ACSBG2: variants seen among roughly 807,000 people sequenced by gnomAD.
ACSBG2 encodes the protein acyl-CoA synthetase bubblegum family member 2.
ACSBG2 carries 62 observed loss-of-function variants against 74.7 expected under a neutral mutation model. That is an observed-to-expected ratio of 0.83 (90% CI 0.68 to 1.03). The LOEUF is 1.03. Ranked by LOEUF, ACSBG2 falls within the 50% of genes least tolerant of loss-of-function variation. The pLI is 0.00. For synonymous variants in ACSBG2, 309 were observed against 294.1 expected (o/e 1.05, Z -0.52); for missense variants, 730 against 817.6 (o/e 0.89, Z 1.31).
intron 8 of ACSBG2, among the ~76,000 whole-genome samples, chr19:6,178,275 C>A (rs941244680): frequency 5.9e-5 from 9 of 152,046 alleles, no homozygotes. Flanking sequence ...AGTTGCCTTT[C>A]TTTTCCAGTT....
At chr19:6,154,946 T>C (rs1729967640) in intron 4 of ACSBG2, among the ~76,000 whole-genome samples, 1 of 152,190 alleles carries the variant, frequency 6.6e-6, no homozygotes, top group Non-Finnish European at 1.5e-5. Context: ...TTGTATTCTG[T>C]ATGAATGAGC....
In ACSBG2 at chr19:6,187,638, C is replaced by T. The variant is rs1392096296; in HGVS notation, c.1720C>T (p.Leu574=). 6.2e-7 allele frequency: 1 copy of T among 1,614,098 alleles called. No individual in the cohort carries two copies. The highest frequency in any genetic ancestry group is 1.3e-5 in the African/African-American group (1 of 75,002). Residue 574 remains leucine (L), a synonymous_variant, in exon 13 of 15, where the codon CTG becomes TTG. Coordinates refer to ENST00000588485, the MANE Select transcript of ACSBG2 (RefSeq NM_030924.5). ...GATGAGCGGAGAACCTCTGGACAAG[C>T]TGAACTTCGAGGCCATCAACTTCTG... is the stretch of plus-strand genomic sequence containing the variant. The part of the protein sequence containing the change: ...NQMSGEPLDK[L]NFEAINFCRG...
In ACSBG2 at chr19:6,174,233, G is replaced by A. The variant is rs956455304; in HGVS notation, c.739-2996G>A. Among the ~76,000 whole-genome samples, 2 of 152,136 alleles carry A rather than the reference G, an allele frequency of 1.3e-5. No homozygotes were observed. Among genetic ancestry groups the A allele is most frequent in the African/African-American group, 4.8e-5 (2 of 41,430 alleles). On this transcript the variant is annotated intron_variant, in intron 7 of 14. Transcript: ENST00000588485. This position sits in a 1 kb window ranked among gnomAD's most constrained non-coding sequence, Gnocchi z 4.2. ...ACTACAAACATGAGCCACCACGCTT[G>A]GCCATCACTCTTGAACTTCTTAACC...
chr19:6,192,138 A>T (rs986226983), intron 14 of ACSBG2: 10 of 151,226 alleles, frequency 6.6e-5, no homozygotes, highest in Admixed American at 4.6e-4. Context: ...AATTTTGATT[A>T]CATGTTGAGA....
At chr19:6,171,622 C>T (rs938100365) in intron 7 of ACSBG2, among the ~76,000 whole-genome samples, 4 of 152,006 alleles carry the variant, frequency 2.6e-5, no homozygotes, top group African/African-American at 9.7e-5. Context: ...TAATTTGGCC[C>T]TTTTCTCTAG....
chr19:6,190,609 T>C lies in ACSBG2; in HGVS notation c.1953T>C (p.His651=). Reference sequence around the variant, plus strand: ...GTCCAATGATGAAACTTAAGAGACATTTTGTAGCCCAGAAATACAAAAAAC... The same window carrying C: ...GTCCAATGATGAAACTTAAGAGACACTTTGTAGCCCAGAAATACAAAAAAC... ...ELGPMMKLKR[H]FVAQKYKKQI... Residue 651 remains histidine (H), a synonymous_variant, in exon 14 of 15, where the codon CAT becomes CAC. Transcript: ENST00000588485. The C allele has an allele frequency of 6.2e-7, 1 of 1,614,056 alleles. No homozygotes were observed. The highest frequency in any genetic ancestry group is 1.1e-5 in the South Asian group (1 of 91,074).
chr19:6,136,682 T>C (rs533118624), intron 1 of ACSBG2, among the ~76,000 whole-genome samples: 109 of 152,192 alleles, frequency 7.2e-4, no homozygotes, highest in Non-Finnish European at 1.1e-3. Flanking sequence ...CCTTTTAAAA[T>C]TGTGAAACAT....
rs74892924 is a variant in ACSBG2 at position 6,161,494 on chromosome 19, G to A, written c.588+199G>A. The A allele has an allele frequency of 1.1e-4, 57 of 527,184 alleles. 1 individual carries two copies. In the East Asian group the frequency reaches 1.7e-3, roughly 16 times the overall value. The allele number at this position is 527,184 out of a possible 1,614,324, so 32.7% of individuals were successfully genotyped here. On this transcript the variant is annotated intron_variant, in intron 6 of 14. Coordinates refer to ENST00000588485, the MANE Select transcript of ACSBG2 (RefSeq NM_030924.5). ...TGGGTGGGGCCTTGTGAGGAAAGTG[G>A]GTGTGACCTTTCAAAGGACGTGAAA...
intron 6 of ACSBG2, among the ~76,000 whole-genome samples, chr19:6,163,146 A>AATAATC (rs2089681537): frequency 6.9e-6 from 1 of 145,594 alleles, no homozygotes; most frequent in Non-Finnish European, 1.5e-5. Context: ...TAATAATAAT[A>AATAATC]ATAATAATAA....
At chr19:6,144,949 G>A (rs2145015567) in intron 2 of ACSBG2, among the ~76,000 whole-genome samples, 1 of 152,116 alleles carries the variant, frequency 6.6e-6, no homozygotes, top group South Asian at 2.1e-4. Context: ...GCCGGCGTCG[G>A]CCTCCCAAAA....
rs1418166398 is a variant in ACSBG2 at position 6,185,559 on chromosome 19, T to G, written c.1446T>G (p.Thr482=). 1 of 1,614,034 alleles carries G rather than the reference T, an allele frequency of 6.2e-7. No individual in the cohort carries two copies. The highest frequency in any genetic ancestry group is 8.5e-7 in the Non-Finnish European group (1 of 1,180,028). ...GCTATCTGGAAAGTGAGACTGAAAC[T>G]ACAGAGGCCATCGATGATGAAGGCT... The part of the protein sequence containing the change: ...FMGYLESETE[T]TEAIDDEGWL... The change falls in exon 11 of 15, where the codon ACT becomes ACG. Residue 482 remains threonine (T), a synonymous_variant. Coordinates refer to ENST00000588485, the MANE Select transcript of ACSBG2 (RefSeq NM_030924.5).
chr19:6,159,781 G>A (rs1219795201), intron 5 of ACSBG2, among the ~76,000 whole-genome samples: 2 of 152,038 alleles, frequency 1.3e-5, no homozygotes, highest in Non-Finnish European at 2.9e-5. Flanking sequence ...GCTGATCTGG[G>A]CCTCACCATT....
intron 8 of ACSBG2, among the ~76,000 whole-genome samples, chr19:6,181,682 GC>G (rs2090258086): frequency 1.3e-5 from 2 of 152,074 alleles, no homozygotes; most frequent in South Asian, 4.1e-4. Flanking sequence ...TTTAGTTTGA[GC>G]TCTTACATTT....
chr19:6,185,382 G>A, intron 10 of ACSBG2, 54 bp from the exon 11 acceptor site: 1 of 1,583,180 alleles, frequency 6.3e-7, no homozygotes, highest in Non-Finnish European at 8.7e-7. Flanking sequence ...AGGCAGAGCT[G>A]GGTGGCTGAC....
At position 6,180,101 on chromosome 19, in the gene ACSBG2, C is replaced by CA. The variant is rs2090203689; in HGVS notation, c.907-2650_907-2649insA. Among the ~76,000 whole-genome samples the CA allele has an allele frequency of 7.3e-6, 1 of 137,888 alleles. No individual in the cohort carries two copies. Among genetic ancestry groups the CA allele is most frequent in the African/African-American group, 3.1e-5 (1 of 32,198 alleles). The allele number at this position is 137,888 out of a possible 152,430, so 90.5% of individuals were successfully genotyped here. On this transcript the variant is annotated intron_variant, in intron 8 of 14. Coordinates refer to ENST00000588485, the MANE Select transcript of ACSBG2 (RefSeq NM_030924.5). This position sits in a 1 kb window ranked among gnomAD's most constrained non-coding sequence, Gnocchi z 4.3. Reference sequence around the variant, plus strand: ...TTCACAGCCAGCAGTGCAGCCTCTTCCCCTCTCCTGCTTCCCTCTTATAAG... The same window carrying CA: ...TTCACAGCCAGCAGTGCAGCCTCTTCACCCTCTCCTGCTTCCCTCTTATAAG...
At chr19:6,183,323 A>C in intron 10 of ACSBG2, 51 bp downstream of exon 10, 1 of 1,541,096 alleles carries the variant, frequency 6.5e-7, no homozygotes, top group Non-Finnish European at 8.9e-7. Flanking sequence ...TGGGGTCAAG[A>C]GGGGGAAGGT....
At chr19:6,141,140 C>T (rs2088814140) in intron 1 of ACSBG2, among the ~76,000 whole-genome samples, 3 of 152,096 alleles carry the variant, frequency 2.0e-5, no homozygotes, top group South Asian at 2.1e-4. Flanking sequence ...TCCTGTTTCT[C>T]CTTTAGGCCC....
chr19:6,160,282 C>G (rs181908101), intron 5 of ACSBG2, among the ~76,000 whole-genome samples: 4 of 148,508 alleles, frequency 2.7e-5, no homozygotes, highest in Non-Finnish European at 5.9e-5. Flanking sequence ...CCCAGCTACT[C>G]GGGAGGCTGA....
chr19:6,175,881 G>T, intron 7 of ACSBG2: 1 of 153,216 alleles, frequency 6.5e-6, no homozygotes, highest in Non-Finnish European at 1.5e-5. Context: ...TTCTATATTG[G>T]ACCTGAGAAG....
Sources: gnomAD v4.1 joint callset for allele counts (sites outside exome capture counted in the v4.1 genomes callset) on GRCh38, gnomAD v4.1.1 for gene constraint, Gnocchi (gnomAD v3.1) non-coding constraint, MANE v1.5 for transcripts, NCBI Gene and HGNC (gene_info 2026-07-23, HGNC 2026-07-21) for gene names.